The following TTC7A variants were observed in gnomAD, a reference collection of about 807,000 sequenced individuals.
The protein encoded by TTC7A is tetratricopeptide repeat protein 7A.
In TTC7A, 110 loss-of-function variants were observed where a neutral mutation model predicts 103.7. The ratio of observed to expected loss-of-function variants is 1.06; its 90% CI spans 0.91 to 1.24. TTC7A has a LOEUF of 1.24. TTC7A is among the 50% of genes most tolerant of loss of function. The pLI is 0.00. For synonymous variants in TTC7A, 521 were observed against 467.9 expected (o/e 1.11, Z -1.47); for missense variants, 1,340 against 1,116.3 (o/e 1.20, Z -2.86).
At chr2:46,936,205 T>C (rs1558483359) in intron 2 of TTC7A, among the ~76,000 whole-genome samples, 1 of 152,228 alleles carries the variant, frequency 6.6e-6, no homozygotes, top group Non-Finnish European at 1.5e-5. Flanking sequence ...TATTTGAAAA[T>C]CTTTTCCCCC....
At chr2:46,919,336 C>T (rs901660168) in intron 2 of TTC7A, among the ~76,000 whole-genome samples, 3 of 152,146 alleles carry the variant, frequency 2.0e-5, no homozygotes, top group Non-Finnish European at 4.4e-5. Context: ...GAGTTCGAGA[C>T]CAGCCTGGCC....
At chr2:46,973,469 G>A (rs778949308) in intron 3 of TTC7A, among the ~76,000 whole-genome samples, 2 of 151,902 alleles carry the variant, frequency 1.3e-5, no homozygotes, top group African/African-American at 2.4e-5. Context: ...CGAGTGCGGC[G>A]GAGGATGGAT....
chr2:46,951,314 A>G (rs540380506), intron 2 of TTC7A, among the ~76,000 whole-genome samples: 1 of 150,594 alleles, frequency 6.6e-6, no homozygotes, highest in South Asian at 2.1e-4. Flanking sequence ...AATTAAGAGA[A>G]AAAAAAAAAG....
At chr2:46,968,624 G>A (rs540101276) in intron 3 of TTC7A, among the ~76,000 whole-genome samples, 2 of 152,140 alleles carry the variant, frequency 1.3e-5, no homozygotes, top group Admixed American at 6.5e-5. Flanking sequence ...AAACTTTTTG[G>A]CCCTGTGTAT....
At chr2:46,969,267 G>T (rs1281923847) in intron 3 of TTC7A, among the ~76,000 whole-genome samples, 1 of 151,868 alleles carries the variant, frequency 6.6e-6, no homozygotes, top group Non-Finnish European at 1.5e-5. Context: ...ACTTTGGGAG[G>T]CCGAGGCGGG....
chr2:46,985,959 C>T (rs562154467), intron 5 of TTC7A, among the ~76,000 whole-genome samples: 3 of 152,326 alleles, frequency 2.0e-5, no homozygotes, highest in South Asian at 2.1e-4. Flanking sequence ...GTTTTAGCAA[C>T]GTCTCTGGCT....
intron 5 of TTC7A, 51 bp from the exon 6 acceptor site, chr2:46,993,396 CCTT>C (rs1339989542): frequency 6.4e-7 from 1 of 1,568,820 alleles, no homozygotes; most frequent in Non-Finnish European, 8.8e-7. Context: ...CTGAGAGCAT[CCTT>C]CTTTGCGAGC....
At chr2:47,044,671 A>T (rs13395263) in intron 15 of TTC7A, among the ~76,000 whole-genome samples, 4,539 of 152,160 alleles carry the variant, frequency 0.03, 248 homozygotes, top group African/African-American at 0.1. Flanking sequence ...TGAAGAGGAG[A>T]GTTGGTATCT....
chr2:46,956,502 A>C (rs1031443199), intron 2 of TTC7A: 36 of 269,318 alleles, frequency 1.3e-4, no homozygotes, highest in African/African-American at 7.7e-4. Context: ...TGAGCTTCTG[A>C]GTGCCCCCTG....
At chr2:46,995,760 A>G (rs1676114934) in intron 8 of TTC7A, among the ~76,000 whole-genome samples, 1 of 152,256 alleles carries the variant, frequency 6.6e-6, no homozygotes, top group African/African-American at 2.4e-5. Context: ...TTGAGCATCT[A>G]CTTTGTGCCA....
chr2:47,024,250 C>T, intron 13 of TTC7A, 37 bp from the exon 14 acceptor site: 2 of 1,562,968 alleles, frequency 1.3e-6, no homozygotes, highest in East Asian at 4.8e-5. Context: ...TCACTCAACC[C>T]CTGGTGCCTG....
chr2:47,048,707 A>G (rs1000323034), intron 16 of TTC7A, among the ~76,000 whole-genome samples: 34 of 151,926 alleles, frequency 2.2e-4, no homozygotes, highest in African/African-American at 4.4e-4. Context: ...GGCTTAAGCA[A>G]TCCTCCTGCC....
intron 5 of TTC7A, among the ~76,000 whole-genome samples, chr2:46,982,744 G>A (rs1674601607): frequency 6.6e-6 from 1 of 152,164 alleles, no homozygotes; most frequent in Non-Finnish European, 1.5e-5. Flanking sequence ...CAGGAGGATT[G>A]CTGGAGCCCA....
At chr2:46,928,343 G>A (rs1289077285) in intron 2 of TTC7A, among the ~76,000 whole-genome samples, 1 of 151,696 alleles carries the variant, frequency 6.6e-6, no homozygotes. Flanking sequence ...TCCAGGCCAG[G>A]ATCAACTATG....
Position 47,073,556 on chromosome 2 carries a change from G to A in TTC7A, c.2356-146G>A, listed in dbSNP as rs922478136. On this transcript the variant is annotated intron_variant, in intron 19 of 19. Transcript: ENST00000319190. ...TAGGATTTGTATGGGGAAAGGCACA[G>A]TCACTTAACAGTGCCCAAGCCAGAG... is the stretch of plus-strand genomic sequence containing the variant. 6.4e-5 allele frequency: 44 copies of A among 687,462 alleles called. No individual in the cohort carries two copies. The East Asian group carries it at 1.1e-3, about 18-fold the overall frequency. 42.6% of individuals were successfully genotyped at this position (687,462 alleles called of 1,614,324 possible).
chr2:46,956,492 T>C, intron 2 of TTC7A: 1 of 254,920 alleles, frequency 3.9e-6, no homozygotes, highest in Non-Finnish European at 7.6e-6. Flanking sequence ...AATAAATGCC[T>C]GAGCTTCTGA....
intron 11 of TTC7A, among the ~76,000 whole-genome samples, chr2:47,014,617 G>C (rs976972506): frequency 3.3e-5 from 5 of 152,306 alleles, no homozygotes; most frequent in East Asian, 3.9e-4. Flanking sequence ...TGGCAGGCAG[G>C]GGGTGTTCGT....
intron 17 of TTC7A, chr2:47,050,279 T>G: frequency 1.8e-6 from 1 of 550,130 alleles, no homozygotes. Flanking sequence ...TGCATGGGGG[T>G]GAAGAAAGAG....
At chr2:47,031,194 C>T (rs1415851209) in intron 15 of TTC7A, among the ~76,000 whole-genome samples, 1 of 151,960 alleles carries the variant, frequency 6.6e-6, no homozygotes, top group Non-Finnish European at 1.5e-5. Context: ...ACTTCACCCG[C>T]AAAGGCGAGT....
Sources: gnomAD v4.1 joint callset for allele counts (sites outside exome capture counted in the v4.1 genomes callset) on GRCh38, gnomAD v4.1.1 for gene constraint, MANE v1.5 for transcripts, NCBI Gene and HGNC (gene_info 2026-07-23, HGNC 2026-07-21) for gene names.